DNAH2: variants seen among roughly 807,000 people sequenced by gnomAD.
DNAH2 encodes dynein axonemal heavy chain 2.
Under a neutral mutation model 523.5 loss-of-function variants are expected in DNAH2, and 323 were observed. That is an observed-to-expected ratio of 0.62 (90% confidence interval 0.56 to 0.68). DNAH2 has a LOEUF of 0.68. DNAH2 is among the 30% of genes least tolerant of loss of function. The pLI, the probability that DNAH2 is intolerant of heterozygous loss-of-function variation, is 0.00. For missense variants in DNAH2, 4,907 were observed against 5,701.5 expected (o/e 0.86, Z 4.49); for synonymous variants, 2,093 against 2,177.4 (o/e 0.96, Z 1.08).
chr17:7,732,029 CA>C (rs35844931), intron 4 of DNAH2, among the ~76,000 whole-genome samples: 15,001 of 118,104 alleles, frequency 0.13, 801 homozygotes, highest in Non-Finnish European at 0.15. Flanking sequence ...AACTTCGTCT[CA>C]AAAAAAAAAA....
At position 7,779,198 on chromosome 17, in the gene DNAH2, T is replaced by C. The variant is rs1319251300; in HGVS notation, c.5542-45T>C. On this transcript the variant is annotated intron_variant, in intron 35 of 85. Transcript: ENST00000572933. ...TGCGTTAATCACGCTTTCTAGCCTC[T>C]TGGGGCACCTCTCGCTCCCAGTGAC... The C allele has an allele frequency of 2.5e-6, 4 of 1,601,570 alleles. No homozygotes were observed. The Admixed American group carries it at 6.7e-5, about 27-fold the overall frequency.
At chr17:7,759,234 T>C in intron 15 of DNAH2, 110 bp downstream of exon 15, 1 of 1,500,448 alleles carries the variant, frequency 6.7e-7, no homozygotes, top group Non-Finnish European at 9.0e-7. Flanking sequence ...CAGTGTGTAC[T>C]TCTCAAACAT....
chr17:7,822,137 A>G (rs1253112648), intron 73 of DNAH2, among the ~76,000 whole-genome samples: 1 of 152,104 alleles, frequency 6.6e-6, no homozygotes, highest in Non-Finnish European at 1.5e-5. Context: ...CGCCCGGCTA[A>G]TTTTTGTATT....
intron 4 of DNAH2, among the ~76,000 whole-genome samples, chr17:7,727,913 T>C (rs956374202): frequency 6.6e-6 from 1 of 151,998 alleles, no homozygotes; most frequent in African/African-American, 2.4e-5. Flanking sequence ...GAAGCCTTGA[T>C]GGTGGAGGTG....
chr17:7,759,232 A>T, intron 15 of DNAH2, 108 bp downstream of exon 15: 2 of 1,505,624 alleles, frequency 1.3e-6, no homozygotes, highest in Non-Finnish European at 1.8e-6. Context: ...ACCAGTGTGT[A>T]CTTCTCAAAC....
chr17:7,754,672 T>C lies in DNAH2; in HGVS notation c.1905-2419T>C. Reference sequence around the variant, plus strand: ...GGTGTCAGCCATAAACTTGATCGACTTGCCTACATTGCCCACCCCAACCTT... The same window carrying C: ...GGTGTCAGCCATAAACTTGATCGACCTGCCTACATTGCCCACCCCAACCTT... On this transcript the variant is annotated intron_variant, in intron 12 of 85. Coordinates refer to ENST00000572933, the MANE Select transcript of DNAH2 (RefSeq NM_020877.5). The surrounding 1 kb of genome is among the most constrained non-coding windows in gnomAD (Gnocchi z 4.6). 11 of 1,280,910 alleles carry C rather than the reference T, an allele frequency of 8.6e-6. No individual in the cohort carries two copies. The highest frequency in any genetic ancestry group is 1.2e-5 in the Non-Finnish European group (11 of 894,754). The allele number at this position is 1,280,910 out of a possible 1,614,324, so 79.3% of individuals were successfully genotyped here. A position where few individuals can be genotyped will look rare whatever the true frequency, so the allele number is the denominator to read the frequency against.
intron 44 of DNAH2, among the ~76,000 whole-genome samples, chr17:7,788,758 G>A (rs1231097757): frequency 2.0e-5 from 3 of 152,066 alleles, no homozygotes; most frequent in Admixed American, 6.6e-5. Flanking sequence ...GCCTATAAAT[G>A]GTTTGTATTG....
intron 44 of DNAH2, among the ~76,000 whole-genome samples, chr17:7,789,847 G>C: frequency 6.6e-6 from 1 of 152,086 alleles, no homozygotes; most frequent in Non-Finnish European, 1.5e-5. Flanking sequence ...CAAAGTGCTG[G>C]GATTACAGGC....
intron 12 of DNAH2, among the ~76,000 whole-genome samples, chr17:7,750,610 A>C (rs2075656748): frequency 1.3e-5 from 2 of 152,032 alleles, no homozygotes; most frequent in Non-Finnish European, 2.9e-5. Context: ...GATTTATAGT[A>C]ATTGTCTTTG....
intron 63 of DNAH2, among the ~76,000 whole-genome samples, chr17:7,812,767 C>CAAA (rs59534940): frequency 8.4e-5 from 2 of 23,818 alleles, no homozygotes; most frequent in African/African-American, 3.5e-4. Context: ...CTAAAAATAC[C>CAAA]AAAAAAAAAA....
chr17:7,732,305 C>G (rs1229135649), intron 4 of DNAH2, among the ~76,000 whole-genome samples: 2 of 151,228 alleles, frequency 1.3e-5, no homozygotes, highest in Admixed American at 1.3e-4. Context: ...TGTGGTGGTA[C>G]GGGCCTGTAA....
At position 7,733,126 on chromosome 17, in the gene DNAH2, GTTCC is replaced by G; in HGVS notation, c.440_443del (p.Val147AlafsTer61). On this transcript the variant is annotated frameshift_variant, in exon 5 of 86. Transcript: ENST00000572933. LOFTEE classifies it high-confidence loss of function. ...TGTCTACTTCATTCGCCAAGCACCA[GTTCC>G]CATCACCTGGGAGAACTTCGAGGCA... The G allele has an allele frequency of 6.2e-7, 1 of 1,614,186 alleles. No individual in the cohort carries two copies. Among genetic ancestry groups the G allele is most frequent in the Non-Finnish European group, 8.5e-7 (1 of 1,180,034 alleles).
intron 56 of DNAH2, among the ~76,000 whole-genome samples, chr17:7,799,996 T>C (rs2077178365): frequency 1.3e-5 from 2 of 152,216 alleles, no homozygotes; most frequent in African/African-American, 4.8e-5. Context: ...CCAGCTGCTG[T>C]CTCTTGAGTC....
At chr17:7,730,423 A>G (rs891318149) in intron 4 of DNAH2, among the ~76,000 whole-genome samples, 2 of 152,238 alleles carry the variant, frequency 1.3e-5, no homozygotes, top group African/African-American at 4.8e-5. Flanking sequence ...AAATGAAACA[A>G]TATAAATGTA....
In DNAH2 at chr17:7,804,391, T is replaced by C. The variant is rs2151298432; in HGVS notation, c.9108T>C (p.Ala3036=). 3 of 1,614,148 alleles carry C rather than the reference T, an allele frequency of 1.9e-6. No individual in the cohort carries two copies. The highest frequency in any genetic ancestry group is 2.5e-6 in the Non-Finnish European group (3 of 1,180,026). The change falls in exon 59 of 86, where the codon GCT becomes GCC. Residue 3036 remains alanine (A), a synonymous_variant. Coordinates refer to ENST00000572933, the MANE Select transcript of DNAH2 (RefSeq NM_020877.5). ...LELEDAKKKV[A]EFQKQCEEYL... is the part of the protein sequence containing the mutation. The stretch of plus-strand genomic sequence containing the variant: ...TGGAGGATGCCAAGAAGAAGGTGGC[T>C]GAGTTCCAGAAGCAGTGTGAGGAGT...
chr17:7,823,754 C>T, intron 74 of DNAH2, 80 bp from the exon 75 acceptor site: 3 of 1,583,292 alleles, frequency 1.9e-6, no homozygotes, highest in Non-Finnish European at 2.6e-6. Context: ...GAGCACATTC[C>T]CGGCAGGTGC....
At chr17:7,824,019 G>A in intron 75 of DNAH2, 37 bp downstream of exon 75, 1 of 1,600,686 alleles carries the variant, frequency 6.2e-7, no homozygotes. Flanking sequence ...ACGGCCCATG[G>A]GTCTTTCCTG....
intron 21 of DNAH2, 127 bp downstream of exon 21, chr17:7,765,692 G>T: frequency 9.3e-7 from 1 of 1,080,086 alleles, no homozygotes; most frequent in Admixed American, 2.6e-5. Context: ...TGGGGGAAGA[G>T]CCTCCACTCA....
intron 13 of DNAH2, among the ~76,000 whole-genome samples, chr17:7,758,249 A>G (rs1273633876): frequency 6.6e-6 from 1 of 152,256 alleles, no homozygotes; most frequent in Non-Finnish European, 1.5e-5. Context: ...GACAGCACAC[A>G]TCGCATTAAG....
Sources: gnomAD v4.1 joint callset for allele counts (sites outside exome capture counted in the v4.1 genomes callset) on GRCh38, gnomAD v4.1.1 for gene constraint, Gnocchi (gnomAD v3.1) non-coding constraint, MANE v1.5 for transcripts, NCBI Gene and HGNC (gene_info 2026-07-23, HGNC 2026-07-21) for gene names.